Variants in HOXC12 observed in about 807,000 individuals in gnomAD.
HOXC12 encodes the protein homeobox C12.
Under a neutral mutation model 20.9 loss-of-function variants are expected in HOXC12, and 24 were observed. That is an observed-to-expected ratio of 1.15 (90% CI 0.83 to 1.61). The LOEUF (loss-of-function observed/expected upper bound fraction) is 1.61. Among genes scored for constraint, HOXC12 ranks in the 40% most tolerant of loss-of-function variants. HOXC12 has a pLI of 0.00. For missense variants in HOXC12, 436 were observed against 406.9 expected (o/e 1.07, Z -0.62); for synonymous variants, 202 against 197.7 (o/e 1.02, Z -0.18).
rs1443692516 is a variant in HOXC12 at position 53,957,234 on chromosome 12, G to T, written c.*668G>T. On this transcript the variant is annotated 3_prime_UTR_variant, in exon 2 of 2. Coordinates refer to ENST00000243103, the MANE Select transcript of HOXC12 (RefSeq NM_173860.3). ...TTTGGCTGGCCGGGCTGTGGACAAG[G>T]ACTATCAGCCTCATGTTCCCTCTAG... 2.0e-5 allele frequency: 3 copies of T among 152,474 alleles called. No individual in the cohort carries two copies. The highest frequency in any genetic ancestry group is 4.4e-5 in the Non-Finnish European group (3 of 68,212). The allele number at this position is 152,474 out of a possible 1,614,324, so 9.4% of individuals were successfully genotyped here.
Position 53,958,909 on chromosome 12 carries a change from G to A in HOXC12, c.*2343G>A, listed in dbSNP as rs1362358959. The A allele has an allele frequency of 6.6e-6, 1 of 151,976 alleles. No homozygotes were observed. Among genetic ancestry groups the A allele is most frequent in the East Asian group, 1.9e-4 (1 of 5,204 alleles). The allele number at this position is 151,976 out of a possible 1,614,324, so 9.4% of individuals were successfully genotyped here. On this transcript the variant is annotated 3_prime_UTR_variant, in exon 2 of 2. Transcript: ENST00000243103. The stretch of plus-strand genomic sequence containing the variant: ...TCCCTTTATATAGTCCTTGTACAGA[G>A]TTGCTTCATCATATTAATATTGATA...
Position 53,956,589 on chromosome 12 carries a change from C to T in HOXC12, c.*23C>T. On this transcript the variant is annotated 3_prime_UTR_variant, in exon 2 of 2. Coordinates refer to ENST00000243103, the MANE Select transcript of HOXC12 (RefSeq NM_173860.3). ...TAAGGTGCAGGACACGGGCGCCAGC[C>T]CCAGACTGAGCCTGTCCCTGGCAGA... 2.6e-6 allele frequency: 4 copies of T among 1,563,220 alleles called. No individual in the cohort carries two copies. Among genetic ancestry groups the T allele is most frequent in the Non-Finnish European group, 3.5e-6 (4 of 1,146,972 alleles).
Position 53,955,263 on chromosome 12 carries a change from C to T in HOXC12, c.334C>T (p.Arg112Cys). The T allele has an allele frequency of 6.7e-7, 1 of 1,488,166 alleles. No individual in the cohort carries two copies. Among genetic ancestry groups the T allele is most frequent in the African/African-American group, 1.4e-5 (1 of 69,280 alleles). The allele number at this position is 1,488,166 out of a possible 1,614,324, so 92.2% of individuals were successfully genotyped here. A position where few individuals can be genotyped will look rare whatever the true frequency, so the allele number is the denominator to read the frequency against. ...GGGGGLKREERGRDPGAGPGA... is the reference protein window; with the variant it reads ...GGGGGLKREECGRDPGAGPGA... ...CGGCGGGGGCCTGAAGCGTGAGGAGCGCGGGCGCGACCCGGGAGCCGGGCC... is the reference window on the plus strand; with the variant it reads ...CGGCGGGGGCCTGAAGCGTGAGGAGTGCGGGCGCGACCCGGGAGCCGGGCC... The change falls in exon 1 of 2, where the codon CGC becomes TGC. Residue 112 changes from arginine to cysteine, a missense_variant. By Grantham distance (180) the Arg-to-Cys change is radical. Transcript: ENST00000243103.
rs1014391782 is a variant in HOXC12, at chr12:53,957,578, C to G, written c.*1012C>G. The G allele has an allele frequency of 2.0e-5, 2 of 100,558 alleles. No individual in the cohort carries two copies. Among genetic ancestry groups the G allele is most frequent in the Non-Finnish European group, 4.4e-5 (2 of 45,270 alleles). The allele number at this position is 100,558 out of a possible 1,614,324, so 6.2% of individuals were successfully genotyped here. On this transcript the variant is annotated 3_prime_UTR_variant, in exon 2 of 2. Coordinates refer to ENST00000243103, the MANE Select transcript of HOXC12 (RefSeq NM_173860.3). Reference sequence around the variant, plus strand: ...ATTCTCCCTTCCCCGCTGGCGTTCACGGTCACTGCCTCACGGGCCGGCCAG... The same window carrying G: ...ATTCTCCCTTCCCCGCTGGCGTTCAGGGTCACTGCCTCACGGGCCGGCCAG...
intron 1 of HOXC12, among the ~76,000 whole-genome samples, chr12:53,956,127 G>A (rs1938862318): frequency 6.6e-6 from 1 of 152,160 alleles, no homozygotes; most frequent in Non-Finnish European, 1.5e-5. Flanking sequence ...AAAAAAAAGA[G>A]TAAAGAAAGT....
In HOXC12 at chr12:53,955,189, G is replaced by A. The variant is rs976641019; in HGVS notation, c.260G>A (p.Arg87His). ...PPFGRTCELA[R>H]VEDGKGYYRE... ...TTCGGCCGCACGTGCGAGCTGGCGC[G>A]CGTGGAGGACGGCAAGGGTTACTAC... The change falls in exon 1 of 2, where the codon CGC (arginine) becomes CAC (histidine). Residue 87 changes from arginine to histidine, a missense_variant. Transcript: ENST00000243103. The A allele has an allele frequency of 6.2e-7, 1 of 1,610,666 alleles. No individual in the cohort carries two copies. The highest frequency in any genetic ancestry group is 2.2e-5 in the East Asian group (1 of 44,780).
rs768610858 is a variant in HOXC12 at position 53,956,397 on chromosome 12, C to A, written c.680C>A (p.Ala227Glu). The A allele has an allele frequency of 3.1e-6, 5 of 1,612,954 alleles. No homozygotes were observed. The highest frequency in any genetic ancestry group is 2.2e-5 in the East Asian group (1 of 44,880). ...AAGCCCTATTCGAAGTTGCAACTGG[C>A]AGAGCTGGAGGGCGAGTTTCTGGTC... ...KRKPYSKLQLAELEGEFLVNE... is the reference protein window; with the variant it reads ...KRKPYSKLQLEELEGEFLVNE... The change falls in exon 2 of 2, where the codon GCA (alanine) becomes GAA (glutamate). Residue 227 changes from alanine (A) to glutamate (E), a missense_variant. Transcript: ENST00000243103.
chr12:53,956,811 G>C lies in HOXC12; in HGVS notation c.*245G>C. 2.5e-6 allele frequency: 1 copy of C among 403,566 alleles called. No individual in the cohort carries two copies. The highest frequency in any genetic ancestry group is 5.9e-5 in the South Asian group (1 of 16,998). 25.0% of individuals were successfully genotyped at this position (403,566 alleles called of 1,614,324 possible). A position where few individuals can be genotyped will look rare whatever the true frequency, so the allele number is the denominator to read the frequency against. ...CAGAAGCCGGCAGCTGCCTGCGGTT[G>C]GCAGGGGCAGGAAGGCTGAGGTGCT... is the stretch of plus-strand genomic sequence containing the variant. On this transcript the variant is annotated 3_prime_UTR_variant, in exon 2 of 2. Coordinates refer to ENST00000243103, the MANE Select transcript of HOXC12 (RefSeq NM_173860.3).
At position 53,956,918 on chromosome 12, in the gene HOXC12, T is replaced by C. The variant is rs1938877524; in HGVS notation, c.*352T>C. 5.2e-6 allele frequency: 1 copy of C among 190,558 alleles called. No homozygotes were observed. The highest frequency in any genetic ancestry group is 6.0e-5 in the Admixed American group (1 of 16,746). 11.8% of individuals were successfully genotyped at this position (190,558 alleles called of 1,614,324 possible). On this transcript the variant is annotated 3_prime_UTR_variant, in exon 2 of 2. Transcript: ENST00000243103. ...AGAAGCAGCGGCCCAGATGTCCCCTTCCTCTACTTCCCTTCCATGGTCTTA... is the reference window on the plus strand; with the variant it reads ...AGAAGCAGCGGCCCAGATGTCCCCTCCCTCTACTTCCCTTCCATGGTCTTA...
At chr12:53,956,238 G>T in intron 1 of HOXC12, 90 bp from the exon 2 acceptor site, 2 of 1,007,848 alleles carry the variant, frequency 2.0e-6, no homozygotes, top group South Asian at 1.8e-5. Flanking sequence ...GCTGTGAGGC[G>T]AAGGTGAAAG....
chr12:53,955,484 C>T lies in HOXC12; in HGVS notation c.555C>T (p.Gly185=). 1.3e-6 allele frequency: 2 copies of T among 1,496,706 alleles called. No homozygotes were observed. Among genetic ancestry groups the T allele is most frequent in the South Asian group, 1.3e-5 (1 of 79,596 alleles). The allele number at this position is 1,496,706 out of a possible 1,614,324, so 92.7% of individuals were successfully genotyped here. ...LNEGNKGAGA[G]DPGSLVSPLN... ...AGGGCAACAAGGGCGCCGGCGCAGG[C>T]GACCCCGGCAGCTTGGTATCGCCGT... The change falls in exon 1 of 2, where the codon GGC becomes GGT. Residue 185 remains glycine (G), a synonymous_variant. Coordinates refer to ENST00000243103, the MANE Select transcript of HOXC12 (RefSeq NM_173860.3).
rs764960546 is a variant in HOXC12 at position 53,956,608 on chromosome 12, T to A, written c.*42T>A. 1 of 1,477,970 alleles carries A rather than the reference T, an allele frequency of 6.8e-7. No individual in the cohort carries two copies. Among genetic ancestry groups the A allele is most frequent in the Non-Finnish European group, 9.2e-7 (1 of 1,086,962 alleles). 91.6% of individuals were successfully genotyped at this position (1,477,970 alleles called of 1,614,324 possible). On this transcript the variant is annotated 3_prime_UTR_variant, in exon 2 of 2. Transcript: ENST00000243103. Reference sequence around the variant, plus strand: ...GCCAGCCCCAGACTGAGCCTGTCCCTGGCAGAGAGCAAAAGAGGGCGCCGC... The same window carrying A: ...GCCAGCCCCAGACTGAGCCTGTCCCAGGCAGAGAGCAAAAGAGGGCGCCGC...
chr12:53,955,445 G>A lies in HOXC12; in HGVS notation c.516G>A (p.Ser172=), dbSNP rs765170136. ...SCQSLESDSS[S]SLLNEGNKGA... is the part of the protein sequence containing the mutation. ...AGTCGCTGGAATCCGACTCCAGTTC[G>A]TCCCTGCTCAACGAGGGCAACAAGG... Residue 172 remains serine, a synonymous_variant, in exon 1 of 2, where the codon TCG becomes TCA. Coordinates refer to ENST00000243103, the MANE Select transcript of HOXC12 (RefSeq NM_173860.3). 14 of 1,507,134 alleles carry A rather than the reference G, an allele frequency of 9.3e-6. No individual in the cohort carries two copies. The South Asian group carries it at 1.5e-4, about 16-fold the overall frequency. 93.4% of individuals were successfully genotyped at this position (1,507,134 alleles called of 1,614,324 possible).
chr12:53,955,558 C>G lies in HOXC12; in HGVS notation c.610+19C>G. On this transcript the variant is annotated intron_variant, in intron 1 of 1. Transcript: ENST00000243103. ...GCCAGCGGTAAGGACCCCGGCCACTCAAGCGGCGGATTCAAACCCGACCTC... is the reference window on the plus strand; with the variant it reads ...GCCAGCGGTAAGGACCCCGGCCACTGAAGCGGCGGATTCAAACCCGACCTC... The G allele has an allele frequency of 7.2e-7, 1 of 1,395,450 alleles. No homozygotes were observed. The highest frequency in any genetic ancestry group is 9.3e-7 in the Non-Finnish European group (1 of 1,075,164). 86.4% of individuals were successfully genotyped at this position (1,395,450 alleles called of 1,614,324 possible).
At position 53,956,333 on chromosome 12, in the gene HOXC12, C is replaced by T; in HGVS notation, c.616C>T (p.Pro206Ser). ...PGGGLSASGA[P>S]WYPINSRSRK... ...TGCCATTCATCTCCACCCAGGCGCG[C>T]CCTGGTACCCGATCAACAGCCGCTC... Residue 206 changes from proline (P) to serine (S), a missense_variant, in exon 2 of 2, where the codon CCC becomes TCC. Pro to Ser is a moderately conservative substitution (Grantham distance 74, BLOSUM62 -1). Transcript: ENST00000243103. 1.9e-6 allele frequency: 3 copies of T among 1,591,186 alleles called. No individual in the cohort carries two copies. The highest frequency in any genetic ancestry group is 2.3e-5 in the South Asian group (2 of 87,032).
rs1176829756 is a variant in HOXC12 at position 53,958,019 on chromosome 12, T to C, written c.*1453T>C. 1 of 152,380 alleles carries C rather than the reference T, an allele frequency of 6.6e-6. No homozygotes were observed. The highest frequency in any genetic ancestry group is 1.5e-5 in the Non-Finnish European group (1 of 68,200). 9.4% of individuals were successfully genotyped at this position (152,380 alleles called of 1,614,324 possible). Reference sequence around the variant, plus strand: ...ACCATCAACCTTTCTGTACTTCATTTTTATCCTTCTCCCCAAGAGTCCCCC... The same window carrying C: ...ACCATCAACCTTTCTGTACTTCATTCTTATCCTTCTCCCCAAGAGTCCCCC... On this transcript the variant is annotated 3_prime_UTR_variant, in exon 2 of 2. Coordinates refer to ENST00000243103, the MANE Select transcript of HOXC12 (RefSeq NM_173860.3).
rs770150435 is a variant in HOXC12, at chr12:53,956,377, C to G, written c.660C>G (p.Pro220=). The change falls in exon 2 of 2, where the codon CCC becomes CCG. Residue 220 remains proline, a synonymous_variant. Coordinates refer to ENST00000243103, the MANE Select transcript of HOXC12 (RefSeq NM_173860.3). ...INSRSRKKRK[P]YSKLQLAELE... is the part of the protein sequence containing the mutation. ...GCCGCTCTCGGAAGAAGCGCAAGCC[C>G]TATTCGAAGTTGCAACTGGCAGAGC... 19 of 1,611,826 alleles carry G rather than the reference C, an allele frequency of 1.2e-5. No homozygotes were observed. Among genetic ancestry groups the G allele is most frequent in the East Asian group, 2.2e-5 (1 of 44,856 alleles).
chr12:53,955,979 G>C (rs191268316), intron 1 of HOXC12, among the ~76,000 whole-genome samples: 13 of 152,314 alleles, frequency 8.5e-5, no homozygotes, highest in Non-Finnish European at 2.9e-5. Context: ...TGAAGGATGT[G>C]AGAGGAAGGG....
chr12:53,955,440 A>G lies in HOXC12; in HGVS notation c.511A>G (p.Ser171Gly). ...CTGCCAGTCGCTGGAATCCGACTCC[A>G]GTTCGTCCCTGCTCAACGAGGGCAA... ...PSCQSLESDS[S>G]SSLLNEGNKG... Residue 171 changes from serine to glycine, a missense_variant, in exon 1 of 2, where the codon AGT becomes GGT. Transcript: ENST00000243103. 6.6e-7 allele frequency: 1 copy of G among 1,508,696 alleles called. No homozygotes were observed. The allele number at this position is 1,508,696 out of a possible 1,614,324, so 93.5% of individuals were successfully genotyped here. A position where few individuals can be genotyped will look rare whatever the true frequency, so the allele number is the denominator to read the frequency against.
Sources: allele counts gnomAD v4.1 joint callset (sites outside exome capture counted in the v4.1 genomes callset), GRCh38; gene constraint gnomAD v4.1.1; transcripts MANE v1.5; gene names NCBI Gene and HGNC (gene_info 2026-07-23, HGNC 2026-07-21).